DOCK3: variants seen among roughly 807,000 people sequenced by gnomAD.
The protein encoded by DOCK3 is dedicator of cytokinesis 3.
DOCK3 carries 60 observed loss-of-function variants against 265.6 expected under a neutral mutation model. The observed-to-expected ratio is 0.23, with a 90% CI of 0.18 to 0.28. The LOEUF is 0.28. Among genes scored for constraint, DOCK3 ranks in the 10% least tolerant of loss-of-function variants. The pLI, the probability that DOCK3 is intolerant of heterozygous loss-of-function variation, is 1.00. For synonymous variants in DOCK3, 881 were observed against 938.0 expected (o/e 0.94, Z 1.11); for missense variants, 1,981 against 2,594.3 (o/e 0.76, Z 5.14).
intron 27 of DOCK3, among the ~76,000 whole-genome samples, chr3:51,289,359 A>G (rs903161833): frequency 6.6e-6 from 1 of 152,234 alleles, no homozygotes; most frequent in Admixed American, 6.5e-5. Flanking sequence ...CTAAAATGCT[A>G]TTAGTATAAG....
At chr3:50,788,211 A>G in intron 2 of DOCK3, 1 of 759,878 alleles carries the variant, frequency 1.3e-6, no homozygotes, top group East Asian at 3.7e-5. Context: ...GACGGCTATC[A>G]TCTTGTGCCA....
chr3:50,922,353 G>C (rs534421868), intron 4 of DOCK3, among the ~76,000 whole-genome samples: 2 of 152,344 alleles, frequency 1.3e-5, no homozygotes, highest in South Asian at 4.1e-4. Flanking sequence ...GACCCCCTGA[G>C]CCAGGCATGG....
intron 5 of DOCK3, among the ~76,000 whole-genome samples, chr3:50,986,084 A>G (rs968651723): frequency 6.6e-6 from 1 of 152,044 alleles, no homozygotes; most frequent in Non-Finnish European, 1.5e-5. Context: ...TATTTCCAGT[A>G]CAACGTTGAT....
intron 10 of DOCK3, 71 bp from the exon 11 acceptor site, chr3:51,159,173 A>G (rs1467053711): frequency 2.7e-6 from 4 of 1,461,842 alleles, no homozygotes; most frequent in East Asian, 2.3e-5. Context: ...GCAAATGACT[A>G]GAGATTCAAA....
intron 23 of DOCK3, among the ~76,000 whole-genome samples, chr3:51,270,523 A>G (rs1259590823): frequency 6.6e-6 from 1 of 152,244 alleles, no homozygotes; most frequent in African/African-American, 2.4e-5. Flanking sequence ...ATCTTAAGCC[A>G]CATTGAGCAG....
intron 12 of DOCK3, among the ~76,000 whole-genome samples, chr3:51,182,425 C>T (rs1415965659): frequency 1.3e-5 from 2 of 152,118 alleles, no homozygotes; most frequent in Non-Finnish European, 2.9e-5. Flanking sequence ...CAGACTTATT[C>T]CCTGGGGGTT....
chr3:50,764,417 T>C (rs774398276), intron 1 of DOCK3, among the ~76,000 whole-genome samples: 16 of 152,152 alleles, frequency 1.1e-4, no homozygotes, highest in Non-Finnish European at 1.9e-4. Flanking sequence ...TTATAACTAA[T>C]CTAGAGATGG....
chr3:51,118,111 C>T (rs1262837820), intron 9 of DOCK3, among the ~76,000 whole-genome samples: 1 of 152,200 alleles, frequency 6.6e-6, no homozygotes, highest in African/African-American at 2.4e-5. Context: ...ATAAATTTCT[C>T]TCTAAACACT....
At chr3:50,873,242 G>A (rs1447135989) in intron 3 of DOCK3, among the ~76,000 whole-genome samples, 1 of 152,136 alleles carries the variant, frequency 6.6e-6, no homozygotes, top group African/African-American at 2.4e-5. Flanking sequence ...GGCTCTTTAG[G>A]TAGCAGATGA....
chr3:50,963,724 G>C (rs542670132), intron 5 of DOCK3, among the ~76,000 whole-genome samples: 15 of 152,204 alleles, frequency 9.9e-5, no homozygotes, highest in Admixed American at 9.8e-4. Flanking sequence ...AAGGTGAGCT[G>C]TAAGATTGCT....
chr3:50,850,762 T>G (rs938484087), intron 3 of DOCK3, among the ~76,000 whole-genome samples: 3 of 152,218 alleles, frequency 2.0e-5, no homozygotes, highest in African/African-American at 7.2e-5. Context: ...TTGGCTTTGC[T>G]TCTGTAGTCC....
intron 19 of DOCK3, among the ~76,000 whole-genome samples, chr3:51,233,251 A>G (rs899912998): frequency 3.9e-5 from 6 of 152,214 alleles, no homozygotes; most frequent in Admixed American, 1.3e-4. Context: ...CTTCCAACCC[A>G]TGAGCACGGA....
intron 48 of DOCK3, among the ~76,000 whole-genome samples, chr3:51,362,308 A>G (rs2086793587): frequency 6.6e-6 from 1 of 152,120 alleles, no homozygotes; most frequent in African/African-American, 2.4e-5. Context: ...TGCTTCCTCC[A>G]TGGTCACCGT....
chr3:51,035,400 TTTCTG>T (rs1034723829), intron 5 of DOCK3, among the ~76,000 whole-genome samples: 2 of 152,148 alleles, frequency 1.3e-5, no homozygotes, highest in Non-Finnish European at 2.9e-5. Flanking sequence ...TCATACTGTG[TTTCTG>T]TTCTAAAATT....
chr3:51,262,670 G>A (rs546400719), intron 23 of DOCK3, among the ~76,000 whole-genome samples: 15 of 152,122 alleles, frequency 9.9e-5, no homozygotes, highest in East Asian at 7.7e-4. Flanking sequence ...TAAGAACCTC[G>A]AAAAAAGGTT....
intron 5 of DOCK3, among the ~76,000 whole-genome samples, chr3:51,020,500 T>G (rs1470879139): frequency 2.6e-5 from 4 of 151,942 alleles, no homozygotes; most frequent in Non-Finnish European, 4.4e-5. Context: ...AATTTTTGCT[T>G]TTTTTGCAAT....
At position 50,886,185 on chromosome 3, in the gene DOCK3, GAGATATATAT is replaced by G. The variant is rs1426438287; in HGVS notation, c.163-3839_163-3830del. On this transcript the variant is annotated intron_variant, in intron 3 of 52. Transcript: ENST00000266037. Reference sequence around the variant, plus strand: ...GCCTTTCAGAATATTTTTTATTTTGGAGATATATATATATATATATATATTCCAGAGTTTT... The same window carrying G: ...GCCTTTCAGAATATTTTTTATTTTGGATATATATATATATTCCAGAGTTTT... 3.7e-3 allele frequency among the ~76,000 whole-genome samples: 451 copies of G among 121,032 alleles called. 18 individuals carry two copies. The highest frequency in any genetic ancestry group is 6.7e-3 in the Non-Finnish European group (361 of 53,490). 79.4% of individuals were successfully genotyped at this position (121,032 alleles called of 152,430 possible).
intron 3 of DOCK3, among the ~76,000 whole-genome samples, chr3:50,887,994 TG>T (rs2048428063): frequency 6.6e-6 from 1 of 152,172 alleles, no homozygotes; most frequent in African/African-American, 2.4e-5. Context: ...AACATAGTGT[TG>T]GAAGTTCTGG....
intron 14 of DOCK3, among the ~76,000 whole-genome samples, chr3:51,215,476 G>A (rs1370912882): frequency 6.6e-6 from 1 of 152,174 alleles, no homozygotes; most frequent in Non-Finnish European, 1.5e-5. Flanking sequence ...TGCTTTTGTT[G>A]TAAAGGGCCA....
Sources: allele counts gnomAD v4.1 joint callset (sites outside exome capture counted in the v4.1 genomes callset), GRCh38; gene constraint gnomAD v4.1.1; transcripts MANE v1.5; gene names NCBI Gene and HGNC (gene_info 2026-07-23, HGNC 2026-07-21).